CNTN4: variants seen among roughly 807,000 people sequenced by gnomAD.
CNTN4 encodes the protein contactin-4.
A neutral mutation model predicts 122.5 loss-of-function variants in CNTN4; 77 were observed. The observed-to-expected ratio is 0.63, with a 90% confidence interval of 0.52 to 0.76. The LOEUF (loss-of-function observed/expected upper bound fraction) is 0.76. CNTN4 is among the 30% of genes least tolerant of loss of function. The pLI is 0.00. For synonymous variants in CNTN4, 512 were observed against 447.0 expected (o/e 1.15, Z -1.83); for missense variants, 1,256 against 1,259.1 (o/e 1.00, Z 0.04).
At chr3:2,987,487 A>C (rs1202776327) in intron 13 of CNTN4, among the ~76,000 whole-genome samples, 1 of 152,184 alleles carries the variant, frequency 6.6e-6, no homozygotes, top group East Asian at 1.9e-4. Context: ...AGGGCGTGAA[A>C]GGGATGGAAA....
intron 2 of CNTN4, among the ~76,000 whole-genome samples, chr3:2,277,712 C>T (rs899517364): frequency 3.9e-5 from 6 of 152,134 alleles, no homozygotes; most frequent in African/African-American, 1.4e-4. Context: ...TCTTCTCTTC[C>T]TCCTGGTTTG....
intron 3 of CNTN4, among the ~76,000 whole-genome samples, chr3:2,419,051 T>C (rs2047520740): frequency 6.6e-6 from 1 of 152,212 alleles, no homozygotes; most frequent in African/African-American, 2.4e-5. Flanking sequence ...ATGAGTAAGA[T>C]TAATTGGTAG....
At chr3:2,224,686 C>T (rs944650627) in intron 2 of CNTN4, among the ~76,000 whole-genome samples, 1 of 152,170 alleles carries the variant, frequency 6.6e-6, no homozygotes, top group Non-Finnish European at 1.5e-5. Flanking sequence ...AAGACTTTAG[C>T]ACAATGCTTC....
At chr3:2,801,269 T>A (rs549381351) in intron 6 of CNTN4, among the ~76,000 whole-genome samples, 1 of 152,344 alleles carries the variant, frequency 6.6e-6, no homozygotes, top group East Asian at 1.9e-4. Context: ...TGTCTGTTTG[T>A]CACAGTATTT....
At chr3:2,636,924 G>GTTTTTTTTTTTTTTTTT (rs57301957) in intron 4 of CNTN4, among the ~76,000 whole-genome samples, 2 of 98,574 alleles carry the variant, frequency 2.0e-5, no homozygotes, top group African/African-American at 3.8e-5. Context: ...TTCTTTCTTT[G>GTTTTTTTTTTTTTTTTT]TTTTTTTTTT....
chr3:3,047,825 C>G (rs1048142319), intron 23 of CNTN4, among the ~76,000 whole-genome samples: 1 of 151,196 alleles, frequency 6.6e-6, no homozygotes, highest in East Asian at 1.9e-4. Flanking sequence ...TTCAAAAAAT[C>G]AGTGAATCCA....
intron 2 of CNTN4, among the ~76,000 whole-genome samples, chr3:2,210,451 T>A (rs2038565127): frequency 6.6e-6 from 1 of 152,154 alleles, no homozygotes; most frequent in Non-Finnish European, 1.5e-5. Flanking sequence ...GCTTCCTTAA[T>A]GGTCTCCTTA....
chr3:2,184,787 G>A lies in CNTN4; in HGVS notation c.-145+84148G>A, dbSNP rs928521201. 3.3e-5 allele frequency among the ~76,000 whole-genome samples: 5 copies of A among 152,052 alleles called. No homozygotes were observed. The East Asian group carries it at 9.7e-4, about 29-fold the overall frequency. ...CCTTCACTAGACACTGAACCTGCTG[G>A]CACCTTGGTCTTGGACTTCCCAGCC... On this transcript the variant is annotated intron_variant, in intron 2 of 24. Coordinates refer to ENST00000418658, the MANE Select transcript of CNTN4 (RefSeq NM_175607.3).
chr3:2,803,560 T>TC (rs1214184471), intron 6 of CNTN4, among the ~76,000 whole-genome samples: 1 of 116,314 alleles, frequency 8.6e-6, no homozygotes, highest in Non-Finnish European at 1.8e-5. Context: ...GGTAAATTCT[T>TC]TTTTTTTTTT....
intron 13 of CNTN4, among the ~76,000 whole-genome samples, chr3:2,941,606 G>T (rs756662913): frequency 2.8e-4 from 42 of 152,046 alleles, no homozygotes; most frequent in Non-Finnish European, 4.9e-4. Flanking sequence ...TTCTTTCTAT[G>T]TGCATTGCTG....
intron 3 of CNTN4, 29 bp downstream of exon 3, chr3:2,339,262 T>A (rs1418314767): frequency 6.6e-6 from 1 of 152,212 alleles, no homozygotes; most frequent in Non-Finnish European, 1.5e-5. Flanking sequence ...AAGATTTTCC[T>A]TATGTGTAGT....
intron 3 of CNTN4, among the ~76,000 whole-genome samples, chr3:2,358,436 G>A (rs1040120709): frequency 6.6e-6 from 1 of 151,760 alleles, no homozygotes; most frequent in Non-Finnish European, 1.5e-5. Flanking sequence ...AGGATTAAGC[G>A]ATAGCAAAAT....
intron 4 of CNTN4, among the ~76,000 whole-genome samples, chr3:2,669,737 T>C (rs548803712): frequency 7.9e-5 from 12 of 152,352 alleles, no homozygotes; most frequent in African/African-American, 2.9e-4. Flanking sequence ...TTTAGTGCTA[T>C]AAATTTCCCT....
intron 2 of CNTN4, among the ~76,000 whole-genome samples, chr3:2,232,906 T>G (rs2039543865): frequency 6.6e-6 from 1 of 152,064 alleles, no homozygotes; most frequent in Admixed American, 6.6e-5. Context: ...AAAGGTTGAG[T>G]GGAAAGAAGA....
At chr3:2,944,752 C>A (rs1005484670) in intron 13 of CNTN4, among the ~76,000 whole-genome samples, 1 of 152,114 alleles carries the variant, frequency 6.6e-6, no homozygotes, top group East Asian at 1.9e-4. Flanking sequence ...CCTTAGATTG[C>A]GTGTCCTGAA....
chr3:2,906,396 A>G (rs2094232628), intron 12 of CNTN4, among the ~76,000 whole-genome samples: 1 of 152,234 alleles, frequency 6.6e-6, no homozygotes, highest in Admixed American at 6.5e-5. Flanking sequence ...GCTGGATTTA[A>G]TCATTCTACA....
At chr3:2,875,735 GC>G (rs1247809173) in intron 8 of CNTN4, among the ~76,000 whole-genome samples, 4 of 152,108 alleles carry the variant, frequency 2.6e-5, no homozygotes, top group African/African-American at 9.7e-5. Context: ...GTTATTTGTG[GC>G]TCCAAAGACT....
chr3:2,481,063 C>CTTTCTTTCTTTTTCTT (rs1575730827), intron 3 of CNTN4, among the ~76,000 whole-genome samples: 2 of 38,900 alleles, frequency 5.1e-5, no homozygotes, highest in African/African-American at 1.3e-4. Flanking sequence ...CTTTCTTTCT[C>CTTTCTTTCTTTTTCTT]TCTTTCTCTC....
rs572356226 is a variant in CNTN4, at chr3:2,961,012, C to T, written c.1359-27333C>T. ...TTGGGAGGCCGAGGCGGGTGGATCA[C>T]GAGGTCAGGAGATCGAGACCATCCT... On this transcript the variant is annotated intron_variant, in intron 13 of 24. Transcript: ENST00000418658. Among the ~76,000 whole-genome samples, 6 of 135,104 alleles carry T rather than the reference C, an allele frequency of 4.4e-5. No homozygotes were observed. The South Asian group carries it at 7.2e-4, about 16-fold the overall frequency. 88.6% of individuals were successfully genotyped at this position (135,104 alleles called of 152,430 possible). A position where few individuals can be genotyped will look rare whatever the true frequency, so the allele number is the denominator to read the frequency against.
Sources: allele counts gnomAD v4.1 joint callset (sites outside exome capture counted in the v4.1 genomes callset), GRCh38; gene constraint gnomAD v4.1.1; transcripts MANE v1.5; gene names NCBI Gene and HGNC (gene_info 2026-07-23, HGNC 2026-07-21).